Variants in RUNX2 observed in about 807,000 individuals in gnomAD.
RUNX2 encodes runt-related transcription factor 2.
A neutral mutation model predicts 51.7 loss-of-function variants in RUNX2; 10 were observed. The observed-to-expected ratio is 0.19, with a 90% confidence interval of 0.12 to 0.33. The LOEUF (loss-of-function observed/expected upper bound fraction) is 0.33, where lower values mean the gene tolerates loss of function less well. Among genes scored for constraint, RUNX2 ranks in the 10% least tolerant of loss-of-function variants. The pLI, the probability that RUNX2 is intolerant of heterozygous loss-of-function variation, is 1.00. For missense variants in RUNX2, 562 were observed against 691.3 expected (o/e 0.81, Z 2.10); for synonymous variants, 276 against 273.6 (o/e 1.01, Z -0.09).
chr6:45,333,679 AAAC>A (rs1787971378), intron 2 of RUNX2, among the ~76,000 whole-genome samples: 1 of 151,438 alleles, frequency 6.6e-6, no homozygotes, highest in Non-Finnish European at 1.5e-5. Flanking sequence ...CTGATATAAA[AAAC>A]AATCCCCAAA....
At chr6:45,335,733 C>G (rs553626998) in intron 2 of RUNX2, among the ~76,000 whole-genome samples, 1 of 151,154 alleles carries the variant, frequency 6.6e-6, no homozygotes, top group East Asian at 1.9e-4. Flanking sequence ...ATTAAGACAC[C>G]ATGAAGTAAT....
intron 2 of RUNX2, among the ~76,000 whole-genome samples, chr6:45,341,083 A>G (rs1463693169): frequency 6.6e-6 from 1 of 152,192 alleles, no homozygotes; most frequent in Non-Finnish European, 1.5e-5. Flanking sequence ...CCAAAAAAAT[A>G]CTGCACAAGA....
chr6:45,508,628 A>G (rs1801052463), intron 6 of RUNX2, among the ~76,000 whole-genome samples: 1 of 152,202 alleles, frequency 6.6e-6, no homozygotes, highest in Non-Finnish European at 1.5e-5. Flanking sequence ...CTATCCTCTG[A>G]GAGACAAAAA....
At chr6:45,546,749 T>A in intron 8 of RUNX2, 78 bp from the exon 9 acceptor site, 1 of 1,289,418 alleles carries the variant, frequency 7.8e-7, no homozygotes, top group Non-Finnish European at 1.1e-6. Flanking sequence ...TTTCTCTTTT[T>A]TTTTCTTGTA....
intron 5 of RUNX2, among the ~76,000 whole-genome samples, chr6:45,485,693 GTGTGTATA>G (rs1800258170): frequency 9.8e-6 from 1 of 101,794 alleles, no homozygotes; most frequent in African/African-American, 4.0e-5. Context: ...GTGTGTGTGT[GTGTGTATA>G]TATATATATA....
At position 45,547,453 on chromosome 6, in the gene RUNX2, A is replaced by C; in HGVS notation, c.*148A>C. On this transcript the variant is annotated 3_prime_UTR_variant, in exon 9 of 9. Coordinates refer to ENST00000647337, the MANE Select transcript of RUNX2 (RefSeq NM_001024630.4). ...TAGAAGATTTTTCATTCACTCACTCAGTCATGATCTTGCAGCCATAAGAGG... is the reference window on the plus strand; with the variant it reads ...TAGAAGATTTTTCATTCACTCACTCCGTCATGATCTTGCAGCCATAAGAGG... 1.4e-6 allele frequency: 1 copy of C among 707,826 alleles called. No homozygotes were observed. The highest frequency in any genetic ancestry group is 2.5e-6 in the Non-Finnish European group (1 of 404,388). The allele number at this position is 707,826 out of a possible 1,614,324, so 43.8% of individuals were successfully genotyped here.
At chr6:45,406,502 C>T (rs1482277365) in intron 2 of RUNX2, among the ~76,000 whole-genome samples, 8 of 152,176 alleles carry the variant, frequency 5.3e-5, no homozygotes, top group Admixed American at 2.6e-4. Flanking sequence ...GCAACCTCTG[C>T]CTCCCAGGTT....
chr6:45,546,412 G>A (rs1299241138), intron 8 of RUNX2, among the ~76,000 whole-genome samples: 2 of 152,126 alleles, frequency 1.3e-5, no homozygotes, highest in Non-Finnish European at 2.9e-5. Context: ...TCTTTATATT[G>A]AGTTGAGGAA....
intron 5 of RUNX2, among the ~76,000 whole-genome samples, chr6:45,473,826 T>A (rs1051563169): frequency 2.0e-5 from 3 of 152,180 alleles, no homozygotes; most frequent in Non-Finnish European, 4.4e-5. Context: ...CAGGAGTTCT[T>A]GAAAGGAGTC....
At chr6:45,393,416 AT>A (rs1797514038) in intron 2 of RUNX2, among the ~76,000 whole-genome samples, 1 of 151,370 alleles carries the variant, frequency 6.6e-6, no homozygotes, top group Non-Finnish European at 1.5e-5. Context: ...GTGTTCTTGC[AT>A]TGTGTAAAGT....
At chr6:45,413,429 CTTTTTTTTTTT>C (rs67659911) in intron 2 of RUNX2, among the ~76,000 whole-genome samples, 3 of 56,636 alleles carry the variant, frequency 5.3e-5, no homozygotes, top group South Asian at 1.1e-3. Flanking sequence ...AAGATACATT[CTTTTTTTTTTT>C]TTTTTTTTTT....
intron 5 of RUNX2, among the ~76,000 whole-genome samples, chr6:45,470,779 A>G (rs1799777393): frequency 6.6e-6 from 1 of 152,142 alleles, no homozygotes; most frequent in Non-Finnish European, 1.5e-5. Flanking sequence ...TTCCCCTTGT[A>G]ATATATTTCT....
intron 2 of RUNX2, among the ~76,000 whole-genome samples, chr6:45,418,019 G>T (rs1369532154): frequency 6.6e-6 from 1 of 152,142 alleles, no homozygotes; most frequent in Non-Finnish European, 1.5e-5. Context: ...ATTCTCCAAA[G>T]ATCGTTCTGT....
intron 2 of RUNX2, chr6:45,421,122 G>A (rs1376872216): frequency 6.6e-6 from 1 of 152,084 alleles, no homozygotes; most frequent in African/African-American, 2.4e-5. Flanking sequence ...CCCCGTGAGC[G>A]CTGGGGAAGA....
chr6:45,344,575 CACA>C (rs2150151153), intron 2 of RUNX2, among the ~76,000 whole-genome samples: 1 of 152,078 alleles, frequency 6.6e-6, no homozygotes, highest in Non-Finnish European at 1.5e-5. Flanking sequence ...TTACGATATG[CACA>C]ACAAAAACTA....
At chr6:45,366,474 A>C (rs976197296) in intron 2 of RUNX2, among the ~76,000 whole-genome samples, 3 of 152,190 alleles carry the variant, frequency 2.0e-5, no homozygotes, top group Non-Finnish European at 4.4e-5. Context: ...ATACACAATA[A>C]ATGTTAGCTA....
At chr6:45,430,721 GA>G (rs1798519133) in intron 3 of RUNX2, among the ~76,000 whole-genome samples, 1 of 152,196 alleles carries the variant, frequency 6.6e-6, no homozygotes, top group African/African-American at 2.4e-5. Flanking sequence ...AGGTTCACCA[GA>G]CAGGCAAGCA....
At chr6:45,386,896 G>T (rs987501159) in intron 2 of RUNX2, among the ~76,000 whole-genome samples, 2 of 152,192 alleles carry the variant, frequency 1.3e-5, no homozygotes, top group African/African-American at 4.8e-5. Context: ...ATAAAAGATG[G>T]TGAGCCTTGG....
chr6:45,411,854 A>G (rs377631692), intron 2 of RUNX2, among the ~76,000 whole-genome samples: 25 of 152,200 alleles, frequency 1.6e-4, no homozygotes, highest in Non-Finnish European at 2.9e-4. Flanking sequence ...TGAAACTACT[A>G]GATGCAACCC....
Sources: allele counts gnomAD v4.1 joint callset (sites outside exome capture counted in the v4.1 genomes callset), GRCh38; gene constraint gnomAD v4.1.1; transcripts MANE v1.5; gene names NCBI Gene and HGNC (gene_info 2026-07-23, HGNC 2026-07-21).